The following MS4A6E variants were observed in gnomAD, a reference collection of about 807,000 sequenced individuals.
MS4A6E encodes the protein membrane spanning 4-domains A6E.
MS4A6E carries 8 observed loss-of-function variants against 13.2 expected under a neutral mutation model. The observed-to-expected ratio is 0.60, with a 90% CI of 0.35 to 1.09. The LOEUF is 1.09. Ranked by LOEUF, MS4A6E falls within the 50% of genes least tolerant of loss-of-function variation. MS4A6E has a pLI of 0.02. For missense variants in MS4A6E, 177 were observed against 171.1 expected (o/e 1.03, Z -0.19); for synonymous variants, 72 against 67.6 (o/e 1.06, Z -0.32).
At chr11:60,336,290 T>C (rs187773028) in intron 2 of MS4A6E, among the ~76,000 whole-genome samples, 2 of 152,214 alleles carry the variant, frequency 1.3e-5, no homozygotes, top group African/African-American at 2.4e-5. Flanking sequence ...ATATGGATAG[T>C]GCAACTGAAT....
At chr11:60,334,764 C>G in intron 1 of MS4A6E, 118 bp from the exon 2 acceptor site, 1 of 1,111,340 alleles carries the variant, frequency 9.0e-7, no homozygotes, top group Non-Finnish European at 1.3e-6. Flanking sequence ...ATATCAGTTT[C>G]TTTCTCTAAC....
chr11:60,337,347 T>C (rs970003271), intron 2 of MS4A6E, among the ~76,000 whole-genome samples: 2 of 152,232 alleles, frequency 1.3e-5, no homozygotes, highest in Admixed American at 1.3e-4. Context: ...GGTTGATGCT[T>C]GCACGAGGGG....
chr11:60,344,927 T>TTTTTG (rs2085249207), downstream of MS4A6E, among the ~76,000 whole-genome samples: 1 of 151,794 alleles, frequency 6.6e-6, no homozygotes, highest in East Asian at 1.9e-4. Flanking sequence ...TTTGTTTGTT[T>TTTTTG]TTTTGTTTTT....
chr11:60,342,755 G>T (rs1477141514), downstream of MS4A6E, among the ~76,000 whole-genome samples: 1 of 152,206 alleles, frequency 6.6e-6, no homozygotes, highest in Non-Finnish European at 1.5e-5. Flanking sequence ...TGGCACAACT[G>T]CTGGCATTCA....
intron 4 of MS4A6E, among the ~76,000 whole-genome samples, chr11:60,346,969 G>A (rs748667398): frequency 2.6e-5 from 4 of 152,206 alleles, no homozygotes; most frequent in Non-Finnish European, 4.4e-5. Context: ...GGGGTCATCA[G>A]AAAATTGGCC....
intron 1 of MS4A6E, 125 bp from the exon 2 acceptor site, chr11:60,334,757 T>C (rs568202819): frequency 1.0e-6 from 1 of 1,003,948 alleles, no homozygotes; most frequent in South Asian, 1.6e-5. Flanking sequence ...CTCCATAATA[T>C]CAGTTTCTTT....
At chr11:60,347,725 G>A (rs1490080963) in intron 4 of MS4A6E, among the ~76,000 whole-genome samples, 3 of 152,030 alleles carry the variant, frequency 2.0e-5, no homozygotes, top group Non-Finnish European at 4.4e-5. Flanking sequence ...GCTGCCCATG[G>A]TTGCAGGCAT....
intron 1 of MS4A6E, among the ~76,000 whole-genome samples, chr11:60,328,539 A>G (rs960415521): frequency 6.6e-6 from 1 of 151,844 alleles, no homozygotes; most frequent in Non-Finnish European, 1.5e-5. Context: ...ACACACACAC[A>G]CACACACACA....
At chr11:60,347,301 G>T (rs971663634) in intron 4 of MS4A6E, among the ~76,000 whole-genome samples, 3 of 152,158 alleles carry the variant, frequency 2.0e-5, no homozygotes, top group Non-Finnish European at 4.4e-5. Context: ...GCAAGTCTGG[G>T]TTATCTTGCA....
downstream of MS4A6E, among the ~76,000 whole-genome samples, chr11:60,344,877 G>T (rs1224034613): frequency 1.3e-5 from 2 of 151,916 alleles, no homozygotes; most frequent in East Asian, 3.9e-4. Flanking sequence ...ATGATAACCT[G>T]CTAATTTCCT....
At chr11:60,340,543 T>C (rs907228917) in intron 4 of MS4A6E, among the ~76,000 whole-genome samples, 6 of 152,230 alleles carry the variant, frequency 3.9e-5, no homozygotes, top group African/African-American at 7.2e-5. Flanking sequence ...TTAACTGAAT[T>C]TAAAAGCCTT....
chr11:60,338,912 G>A (rs1282351319), intron 3 of MS4A6E, among the ~76,000 whole-genome samples: 1 of 152,114 alleles, frequency 6.6e-6, no homozygotes, highest in Non-Finnish European at 1.5e-5. Flanking sequence ...GACAGTAATT[G>A]GTACAAATTC....
At chr11:60,328,078 T>C (rs1005417164) in intron 1 of MS4A6E, among the ~76,000 whole-genome samples, 1 of 147,988 alleles carries the variant, frequency 6.8e-6, no homozygotes, top group East Asian at 2.0e-4. Context: ...ATCCTTGTTA[T>C]CAAGTGGCAA....
At chr11:60,348,223 C>T (rs947680090) in intron 4 of MS4A6E, among the ~76,000 whole-genome samples, 10 of 152,018 alleles carry the variant, frequency 6.6e-5, no homozygotes, top group African/African-American at 1.7e-4. Context: ...TGTGGAGGGG[C>T]GCACAAAGGG....
At chr11:60,329,074 A>G (rs919740341) in intron 1 of MS4A6E, among the ~76,000 whole-genome samples, 1 of 152,170 alleles carries the variant, frequency 6.6e-6, no homozygotes, top group African/African-American at 2.4e-5. Context: ...TACACGTGCC[A>G]TGGTGGTTTG....
At chr11:60,339,132 TC>T (rs2085207860) in intron 3 of MS4A6E, among the ~76,000 whole-genome samples, 1 of 151,954 alleles carries the variant, frequency 6.6e-6, no homozygotes, top group Non-Finnish European at 1.5e-5. Context: ...TCAAATTACC[TC>T]CCTTTATTAT....
At chr11:60,330,369 T>C (rs1390058599) in intron 1 of MS4A6E, among the ~76,000 whole-genome samples, 2 of 116,964 alleles carry the variant, frequency 1.7e-5, no homozygotes, top group African/African-American at 6.7e-5. Flanking sequence ...TTAGGCGGAG[T>C]CTCACTCTTT....
At chr11:60,345,478 G>A (rs529752594), downstream of MS4A6E, among the ~76,000 whole-genome samples, 1 of 152,292 alleles carries the variant, frequency 6.6e-6, no homozygotes, top group African/African-American at 2.4e-5. Flanking sequence ...TGACTGTGGA[G>A]CTTCACAGCT....
intron 1 of MS4A6E, among the ~76,000 whole-genome samples, chr11:60,327,823 A>T (rs1462830408): frequency 6.6e-6 from 1 of 152,072 alleles, no homozygotes; most frequent in East Asian, 1.9e-4. Flanking sequence ...GGAGGTCAGG[A>T]GTTCAAGACC....
Sources: gnomAD v4.1 joint callset for allele counts (sites outside exome capture counted in the v4.1 genomes callset) on GRCh38, gnomAD v4.1.1 for gene constraint, MANE v1.5 for transcripts, NCBI Gene and HGNC (gene_info 2026-07-23, HGNC 2026-07-21) for gene names.